WDR62: variants seen among roughly 807,000 people sequenced by gnomAD.
The protein encoded by WDR62 is WD repeat domain 62, also known as WD repeat-containing protein 62.
In WDR62, 112 loss-of-function variants were observed where a neutral mutation model predicts 160.6. The ratio of observed to expected loss-of-function variants is 0.70; its 90% CI spans 0.60 to 0.82. The LOEUF is 0.82. WDR62 is among the 40% of genes least tolerant of loss of function. The pLI is 0.00. For missense variants in WDR62, 1,819 were observed against 1,983.8 expected (o/e 0.92, Z 1.58); for synonymous variants, 792 against 815.1 (o/e 0.97, Z 0.48).
At chr19:36,068,565 G>A (rs1225940888) in intron 7 of WDR62, among the ~76,000 whole-genome samples, 1 of 152,258 alleles carries the variant, frequency 6.6e-6, no homozygotes, top group East Asian at 1.9e-4. Context: ...GACTCTTAAC[G>A]AGTCTGCTGC....
chr19:36,068,745 A>G (rs113093490), intron 7 of WDR62, among the ~76,000 whole-genome samples: 10,846 of 152,150 alleles, frequency 0.071, 390 homozygotes, highest in South Asian at 0.092. Flanking sequence ...GAAGTCTCCC[A>G]TGTCTACTTC....
intron 16 of WDR62, 132 bp from the exon 17 acceptor site, chr19:36,091,068 A>G: frequency 1.3e-6 from 1 of 746,348 alleles, no homozygotes; most frequent in Non-Finnish European, 2.4e-6. Context: ...CACGTGTCGA[A>G]TGGGAGCGGG....
At chr19:36,068,127 C>A in intron 7 of WDR62, 117 bp downstream of exon 7, 1 of 1,249,264 alleles carries the variant, frequency 8.0e-7, no homozygotes, top group Non-Finnish European at 1.1e-6. Flanking sequence ...TGGTGAATGA[C>A]GCCCACTCTC....
At chr19:36,088,355 A>G (rs115690535) in intron 13 of WDR62, among the ~76,000 whole-genome samples, 1,612 of 152,344 alleles carry the variant, frequency 0.011, 29 homozygotes, top group African/African-American at 0.037. Flanking sequence ...TCTAATGCTT[A>G]CCATGTGGCA....
chr19:36,063,293 G>A (rs1190167211), intron 3 of WDR62, among the ~76,000 whole-genome samples: 3 of 148,444 alleles, frequency 2.0e-5, no homozygotes, highest in South Asian at 2.1e-4. Context: ...ACTGTCGCCC[G>A]GGCTGGAGTG....
At chr19:36,084,569 C>A in intron 11 of WDR62, 84 bp from the exon 12 acceptor site, 3 of 1,310,912 alleles carry the variant, frequency 2.3e-6, no homozygotes, top group Non-Finnish European at 3.3e-6. Context: ...TTGTTGGTGG[C>A]CTGGCCATTC....
chr19:36,093,588 C>T (rs965437091), intron 19 of WDR62, among the ~76,000 whole-genome samples: 1 of 152,118 alleles, frequency 6.6e-6, no homozygotes, highest in African/African-American at 2.4e-5. Flanking sequence ...GTCCTGAGGT[C>T]CTGAGGTGGT....
At chr19:36,055,184 G>A in intron 1 of WDR62, 36 bp downstream of exon 1, 1 of 1,580,660 alleles carries the variant, frequency 6.3e-7, no homozygotes, top group African/African-American at 1.4e-5. Context: ...CCCAGTTCCA[G>A]GCTTCCTAGG....
Position 36,099,723 on chromosome 19 carries a change from T to A in WDR62, c.2739+106T>A, listed in dbSNP as rs952831742. The A allele has an allele frequency of 7.9e-6, 9 of 1,139,008 alleles. No homozygotes were observed. The Admixed American group carries it at 1.6e-4, about 20-fold the overall frequency. 70.6% of individuals were successfully genotyped at this position (1,139,008 alleles called of 1,614,324 possible). A position where few individuals can be genotyped will look rare whatever the true frequency, so the allele number is the denominator to read the frequency against. On this transcript the variant is annotated intron_variant, in intron 22 of 31. Transcript: ENST00000401500. The stretch of plus-strand genomic sequence containing the variant: ...CTCCATGGGGGCAGGGAGGATTACA[T>A]GAGATGGTGAAGGGCAGGAGGGTGA...
chr19:36,069,088 T>A, intron 7 of WDR62, among the ~76,000 whole-genome samples: 1 of 122,630 alleles, frequency 8.2e-6, no homozygotes, highest in East Asian at 2.5e-4. Context: ...ACCCCCCACC[T>A]CCCTCCCGGA....
At chr19:36,111,086 A>G in the WDR62 span, 1 of 968,200 alleles carries the variant, frequency 1.0e-6, no homozygotes, top group Non-Finnish European at 1.5e-6. Flanking sequence ...ATTTGCATGA[A>G]GAGAATGAGG....
chr19:36,076,758 A>G (rs910572115), intron 9 of WDR62, among the ~76,000 whole-genome samples: 2 of 152,106 alleles, frequency 1.3e-5, no homozygotes, highest in African/African-American at 4.8e-5. Context: ...CACATTATAC[A>G]TGCAACAGTC....
intron 5 of WDR62, 89 bp from the exon 6 acceptor site, chr19:36,067,217 C>A: frequency 6.4e-7 from 1 of 1,572,602 alleles, no homozygotes; most frequent in Non-Finnish European, 8.7e-7. Context: ...GGAGTGGGGA[C>A]GAGCAGGGAG....
In WDR62 at chr19:36,090,467, A is replaced by G; in HGVS notation, c.1981A>G (p.Lys661Glu). ...NVRVYNTVNG[K>E]QKKCYKGSQG... ...CAGAGTCTACAACACTGTGAACGGG[A>G]AGCAGAAGAAGTGCTACAAGGGCTC... is the stretch of plus-strand genomic sequence containing the variant. Residue 661 changes from lysine (K) to glutamate (E), a missense_variant, in exon 16 of 32, where the codon AAG (lysine) becomes GAG (glutamate). By Grantham distance (56) the Lys-to-Glu change is moderately conservative. Transcript: ENST00000401500. 6.2e-7 allele frequency: 1 copy of G among 1,614,028 alleles called. No individual in the cohort carries two copies. The highest frequency in any genetic ancestry group is 8.5e-7 in the Non-Finnish European group (1 of 1,179,976).
chr19:36,073,163 A>G (rs1254375070), intron 8 of WDR62, among the ~76,000 whole-genome samples, 179 bp from the exon 9 acceptor site: 1 of 152,234 alleles, frequency 6.6e-6, no homozygotes, highest in East Asian at 1.9e-4. Flanking sequence ...TAGCCTCTAT[A>G]TGAAAAGCAA....
intron 9 of WDR62, among the ~76,000 whole-genome samples, chr19:36,079,288 C>T (rs1971758963): frequency 6.6e-6 from 1 of 151,826 alleles, no homozygotes; most frequent in Non-Finnish European, 1.5e-5. Context: ...ATTATACTGC[C>T]CAGGCTTGTT....
Position 36,089,091 on chromosome 19 carries a change from C to G in WDR62, c.1822C>G (p.Arg608Gly). The change falls in exon 14 of 32, where the codon CGC becomes GGC. Residue 608 changes from arginine to glycine, a missense_variant. Coordinates refer to ENST00000401500, the MANE Select transcript of WDR62 (RefSeq NM_001083961.2). ...SCGADKSIYF[R>G]SAQQGSDGLH... ...TGGGGCTGACAAGAGCATCTACTTT[C>G]GCAGTGCCCAGCAGGTAGGGTGGCA... 1.9e-6 allele frequency: 3 copies of G among 1,614,106 alleles called. No individual in the cohort carries two copies. Among genetic ancestry groups the G allele is most frequent in the Non-Finnish European group, 1.7e-6 (2 of 1,180,010 alleles).
chr19:36,097,731 A>G (rs1475478786), intron 21 of WDR62, among the ~76,000 whole-genome samples: 2 of 151,284 alleles, frequency 1.3e-5, no homozygotes, highest in Non-Finnish European at 2.9e-5. Context: ...AAAAAATAAA[A>G]AAATTAGCCA....
chr19:36,076,352 G>A (rs559608525), intron 9 of WDR62, among the ~76,000 whole-genome samples: 21 of 152,120 alleles, frequency 1.4e-4, no homozygotes, highest in African/African-American at 5.1e-4. Flanking sequence ...GAGCCCACGA[G>A]TTTGAGACCA....
Sources: gnomAD v4.1 joint callset for allele counts (sites outside exome capture counted in the v4.1 genomes callset) on GRCh38, gnomAD v4.1.1 for gene constraint, MANE v1.5 for transcripts, NCBI Gene and HGNC (gene_info 2026-07-23, HGNC 2026-07-21) for gene names.